Variants in VAV2 observed in about 807,000 individuals in gnomAD.
VAV2 encodes the protein vav guanine nucleotide exchange factor 2, also known as guanine nucleotide exchange factor VAV2.
In VAV2, 67 loss-of-function variants were observed where a neutral mutation model predicts 132.5. The observed-to-expected ratio is 0.51, with a 90% CI of 0.42 to 0.62. The LOEUF is 0.62. Among genes scored for constraint, VAV2 ranks in the 20% least tolerant of loss-of-function variants. The pLI, the probability that VAV2 is intolerant of heterozygous loss-of-function variation, is 0.00. For synonymous variants in VAV2, 492 were observed against 443.5 expected (o/e 1.11, Z -1.37); for missense variants, 938 against 1,153.6 (o/e 0.81, Z 2.71).
At chr9:133,856,912 G>A (rs946260632) in intron 3 of VAV2, among the ~76,000 whole-genome samples, 1 of 152,150 alleles carries the variant, frequency 6.6e-6, no homozygotes, top group Non-Finnish European at 1.5e-5. Context: ...GGGTTTGGGG[G>A]TTAGGACATC....
At chr9:133,864,909 A>G (rs1233726034) in intron 2 of VAV2, among the ~76,000 whole-genome samples, 2 of 152,206 alleles carry the variant, frequency 1.3e-5, no homozygotes, top group African/African-American at 4.8e-5. Context: ...CCGGGGTAGG[A>G]ACAAAGTTGG....
At chr9:133,871,935 C>T (rs78874136) in intron 2 of VAV2, among the ~76,000 whole-genome samples, 1,998 of 152,306 alleles carry the variant, frequency 0.013, 35 homozygotes, top group African/African-American at 0.042. Flanking sequence ...CAGCTAGACC[C>T]TGGCTCCATG....
chr9:133,951,507 T>C (rs569145011), intron 1 of VAV2, among the ~76,000 whole-genome samples: 1 of 152,138 alleles, frequency 6.6e-6, no homozygotes, highest in South Asian at 2.1e-4. Context: ...GGACCCAATG[T>C]GGCACCTCCT....
chr9:133,957,040 G>T (rs1327688438), intron 1 of VAV2, among the ~76,000 whole-genome samples: 2 of 152,132 alleles, frequency 1.3e-5, no homozygotes, highest in African/African-American at 4.8e-5. Context: ...ACCTGCCCGG[G>T]GTACCCAGGA....
At chr9:133,778,222 C>T (rs2131586309) in intron 22 of VAV2, among the ~76,000 whole-genome samples, 1 of 151,808 alleles carries the variant, frequency 6.6e-6, no homozygotes, top group South Asian at 2.1e-4. Flanking sequence ...GGTCCCCACT[C>T]TGTGGGCCTT....
chr9:133,965,252 C>T (rs1842105550), intron 1 of VAV2, among the ~76,000 whole-genome samples: 1 of 151,886 alleles, frequency 6.6e-6, no homozygotes, highest in African/African-American at 2.4e-5. Context: ...CATTGGGAGG[C>T]CAAGGTGGGC....
At chr9:133,849,527 A>G (rs1837085253) in intron 3 of VAV2, among the ~76,000 whole-genome samples, 1 of 152,170 alleles carries the variant, frequency 6.6e-6, no homozygotes, top group Admixed American at 6.5e-5. Context: ...AGTGAAACCC[A>G]TGTCCCTGCT....
At chr9:133,790,452 C>T (rs952994110) in intron 13 of VAV2, among the ~76,000 whole-genome samples, 8 of 152,294 alleles carry the variant, frequency 5.3e-5, no homozygotes, top group African/African-American at 1.9e-4. Context: ...GCTGGGATTA[C>T]AGGCATGACC....
intron 2 of VAV2, among the ~76,000 whole-genome samples, chr9:133,933,862 G>T (rs1840789850): frequency 1.3e-5 from 2 of 149,818 alleles, no homozygotes; most frequent in Non-Finnish European, 3.0e-5. Flanking sequence ...TGGAAGGATG[G>T]GTGGATGGAT....
intron 1 of VAV2, among the ~76,000 whole-genome samples, chr9:133,979,969 A>G (rs1842643714): frequency 6.6e-6 from 1 of 152,216 alleles, no homozygotes; most frequent in Non-Finnish European, 1.5e-5. Flanking sequence ...CCCCTCCAGA[A>G]AGCCAGCAAC....
At chr9:133,801,784 C>T (rs1264080884) in intron 9 of VAV2, among the ~76,000 whole-genome samples, 1 of 152,154 alleles carries the variant, frequency 6.6e-6, no homozygotes, top group Non-Finnish European at 1.5e-5. Context: ...CGCGGGGAGG[C>T]CATGTGGAGA....
At chr9:133,874,696 C>A (rs1588298981) in intron 2 of VAV2, among the ~76,000 whole-genome samples, 2 of 152,290 alleles carry the variant, frequency 1.3e-5, no homozygotes, top group Non-Finnish European at 2.9e-5. Context: ...CCTCCAAGAA[C>A]CTCCTGCGCT....
At chr9:133,835,973 C>T (rs146955860) in intron 3 of VAV2, among the ~76,000 whole-genome samples, 3 of 152,332 alleles carry the variant, frequency 2.0e-5, no homozygotes, top group Non-Finnish European at 4.4e-5. Context: ...TCCCTCCTTC[C>T]ACCCATCACC....
At chr9:133,927,016 G>T (rs1009665980) in intron 2 of VAV2, among the ~76,000 whole-genome samples, 2 of 152,176 alleles carry the variant, frequency 1.3e-5, no homozygotes, top group African/African-American at 4.8e-5. Context: ...GACACCCGCA[G>T]CACTTCTGCA....
intron 1 of VAV2, among the ~76,000 whole-genome samples, chr9:133,975,598 G>C (rs1469881097): frequency 1.3e-5 from 2 of 152,102 alleles, no homozygotes; most frequent in Non-Finnish European, 2.9e-5. Context: ...TCACACAACT[G>C]AGAAATGACA....
chr9:133,817,210 C>T (rs1835592593), intron 4 of VAV2, among the ~76,000 whole-genome samples: 1 of 152,198 alleles, frequency 6.6e-6, no homozygotes, highest in Non-Finnish European at 1.5e-5. Context: ...AGAATTGGGC[C>T]TTTTCTTTTT....
intron 1 of VAV2, among the ~76,000 whole-genome samples, chr9:133,987,435 GAGA>G (rs1335831047): frequency 6.6e-6 from 1 of 152,258 alleles, no homozygotes; most frequent in African/African-American, 2.4e-5. Context: ...GCTAGAAGGA[GAGA>G]AGGTCTTCCA....
rs2131549540 is a variant in VAV2, at chr9:133,762,473, A to C, written c.*1589T>G. 1.3e-5 allele frequency: 2 copies of C among 152,468 alleles called. No individual in the cohort carries two copies. The highest frequency in any genetic ancestry group is 4.2e-4 in the South Asian group (2 of 4,818). The allele number at this position is 152,468 out of a possible 1,614,324, so 9.4% of individuals were successfully genotyped here. On this transcript the variant is annotated 3_prime_UTR_variant, in exon 30 of 30. Transcript: ENST00000371850. The surrounding 1 kb of genome is among the most constrained non-coding windows in gnomAD (Gnocchi z 5.0). Reference sequence around the variant, plus strand: ...CAAGACCTTTCTGACGACAGTAAACACAGGGGCTGCTGGCTTCCTCCCCGC... The same window carrying C: ...CAAGACCTTTCTGACGACAGTAAACCCAGGGGCTGCTGGCTTCCTCCCCGC...
At chr9:133,985,094 T>C (rs1016437089) in intron 1 of VAV2, among the ~76,000 whole-genome samples, 2 of 152,150 alleles carry the variant, frequency 1.3e-5, no homozygotes, top group Admixed American at 6.6e-5. Flanking sequence ...TAGACACATA[T>C]GGATACAGAG....
Sources: allele counts gnomAD v4.1 joint callset (sites outside exome capture counted in the v4.1 genomes callset), GRCh38; gene constraint gnomAD v4.1.1; non-coding constraint Gnocchi (gnomAD v3.1); transcripts MANE v1.5; gene names NCBI Gene and HGNC (gene_info 2026-07-23, HGNC 2026-07-21).